The following PRSS23 variants were observed in gnomAD, a reference collection of about 807,000 sequenced individuals.
PRSS23 encodes protease, serine 23.
Under a neutral mutation model 34.7 loss-of-function variants are expected in PRSS23, and 25 were observed. The observed-to-expected ratio is 0.72, with a 90% CI of 0.53 to 1.01. The LOEUF (loss-of-function observed/expected upper bound fraction) is 1.01, where lower values mean the gene tolerates loss of function less well. Ranked by LOEUF, PRSS23 falls within the 50% of genes least tolerant of loss-of-function variation. The pLI is 0.00. For missense variants in PRSS23, 445 were observed against 475.6 expected (o/e 0.94, Z 0.60); for synonymous variants, 176 against 186.6 (o/e 0.94, Z 0.46).
chr11:86,854,070 G>C (rs748201318), intron 2 of PRSS23, among the ~76,000 whole-genome samples: 7 of 151,976 alleles, frequency 4.6e-5, no homozygotes, highest in Non-Finnish European at 7.4e-5. Flanking sequence ...GCACGATCTC[G>C]GCTCACTGCA....
downstream of PRSS23, among the ~76,000 whole-genome samples, chr11:86,815,817 T>C (rs974186649): frequency 2.0e-5 from 3 of 152,296 alleles, no homozygotes; most frequent in Non-Finnish European, 4.4e-5. Context: ...TAGAGTTCTG[T>C]GCTATCCATC....
chr11:86,946,803 AC>A (rs1949246473), intron 2 of PRSS23: 1 of 152,426 alleles, frequency 6.6e-6, no homozygotes. Flanking sequence ...AAATAAAGGA[AC>A]CAATAGGATT....
chr11:86,942,391 T>A (rs1470308461), intron 2 of PRSS23, among the ~76,000 whole-genome samples: 3 of 152,234 alleles, frequency 2.0e-5, no homozygotes, highest in Non-Finnish European at 4.4e-5. Context: ...TTCCATCTCA[T>A]TGCTTTATAT....
intron 2 of PRSS23, among the ~76,000 whole-genome samples, chr11:86,830,020 G>T (rs1948338410): frequency 6.6e-6 from 1 of 152,210 alleles, no homozygotes; most frequent in Non-Finnish European, 1.5e-5. Flanking sequence ...TCTCTTCAAA[G>T]CTGTCAGACA....
intron 2 of PRSS23, among the ~76,000 whole-genome samples, chr11:86,906,522 G>T (rs1249972992): frequency 6.6e-6 from 1 of 152,192 alleles, no homozygotes; most frequent in Non-Finnish European, 1.5e-5. Context: ...AATCAGCCCC[G>T]CAGTGCCTCG....
chr11:86,794,174 T>C (rs1361803059), intron 1 of PRSS23, among the ~76,000 whole-genome samples: 1 of 152,032 alleles, frequency 6.6e-6, no homozygotes, highest in Non-Finnish European at 1.5e-5. Context: ...GAAAACAAAA[T>C]AATTTTCCAT....
intron 1 of PRSS23, among the ~76,000 whole-genome samples, chr11:86,822,910 G>A (rs1948263948): frequency 6.6e-6 from 1 of 152,200 alleles, no homozygotes; most frequent in Non-Finnish European, 1.5e-5. Context: ...ACTGGGGTGG[G>A]AAGCCAAGCC....
At chr11:86,841,111 A>G (rs1948443914) in intron 2 of PRSS23, among the ~76,000 whole-genome samples, 2 of 152,088 alleles carry the variant, frequency 1.3e-5, no homozygotes, top group Admixed American at 1.3e-4. Context: ...AGGCTGAGGC[A>G]GGCGAATCAC....
chr11:86,837,930 C>G (rs1948419153), intron 2 of PRSS23, among the ~76,000 whole-genome samples: 1 of 152,050 alleles, frequency 6.6e-6, no homozygotes, highest in Admixed American at 6.5e-5. Flanking sequence ...ATTGGGACTG[C>G]TTGGACAGTG....
intron 2 of PRSS23, among the ~76,000 whole-genome samples, chr11:86,841,200 G>A (rs1036379494): frequency 1.3e-5 from 2 of 151,958 alleles, no homozygotes; most frequent in Non-Finnish European, 2.9e-5. Flanking sequence ...TTAGCCTGGT[G>A]TGGTGGCACA....
intron 2 of PRSS23, among the ~76,000 whole-genome samples, chr11:86,925,471 C>A (rs1949075211): frequency 6.6e-6 from 1 of 152,042 alleles, no homozygotes; most frequent in African/African-American, 2.4e-5. Context: ...GCAGGGTTGC[C>A]ATGATTAAGT....
At chr11:86,830,675 T>A (rs941144235) in intron 2 of PRSS23, among the ~76,000 whole-genome samples, 1 of 152,202 alleles carries the variant, frequency 6.6e-6, no homozygotes, top group Non-Finnish European at 1.5e-5. Context: ...GCTCCTCATA[T>A]CACAGGGGCT....
In PRSS23 at chr11:86,928,705, A is replaced by AAAAATATAT; in HGVS notation, c.207-22510_207-22509insAAATATATA. ...AAAAAAAAAAAAAAAAAAAAAAAAA[A>AAAAATATAT]ATTGGCAAGACATATACAGCATATA... On this transcript the variant is annotated intron_variant, in intron 2 of 2. Coordinates refer to the PRSS23 transcript ENST00000533902. 3.9e-5 allele frequency among the ~76,000 whole-genome samples: 2 copies of AAAAATATAT among 51,292 alleles called. 1 individual carries two copies. The highest frequency in any genetic ancestry group is 9.0e-5 in the Non-Finnish European group (2 of 22,132). 33.6% of individuals were successfully genotyped at this position (51,292 alleles called of 152,430 possible).
intron 2 of PRSS23, among the ~76,000 whole-genome samples, chr11:86,846,547 G>A (rs1050450883): frequency 1.3e-5 from 2 of 152,154 alleles, no homozygotes; most frequent in African/African-American, 4.8e-5. Context: ...GTGCTCAGTG[G>A]AAATCTTAGT....
upstream of PRSS23, among the ~76,000 whole-genome samples, chr11:86,797,037 G>A (rs1416789432): frequency 6.6e-6 from 1 of 152,228 alleles, no homozygotes; most frequent in Middle Eastern, 3.2e-3. Flanking sequence ...GAGCTGAGGG[G>A]TATTTGCTTT....
chr11:86,906,916 A>C (rs11823744), intron 2 of PRSS23, among the ~76,000 whole-genome samples: 25,835 of 152,074 alleles, frequency 0.17, 2,452 homozygotes, highest in African/African-American at 0.25. Context: ...AGTAGCAGGG[A>C]GAGGTTTCCA....
chr11:86,900,676 G>A (rs1218890434), intron 2 of PRSS23, among the ~76,000 whole-genome samples: 1 of 151,224 alleles, frequency 6.6e-6, no homozygotes, highest in Non-Finnish European at 1.5e-5. Flanking sequence ...CTTCTTTTCA[G>A]CTCAGAGTCT....
intron 2 of PRSS23, chr11:86,932,878 G>A (rs924294694): frequency 3.3e-5 from 5 of 152,292 alleles, no homozygotes; most frequent in East Asian, 3.9e-4. Context: ...CTCTGTAAGG[G>A]TTGGTCACTG....
chr11:86,949,084 T>C (rs1327429492), intron 2 of PRSS23: 2 of 152,222 alleles, frequency 1.3e-5, no homozygotes, highest in Admixed American at 1.3e-4. Context: ...GGATCAATTC[T>C]CATGCTCCTG....
Sources: allele counts gnomAD v4.1 joint callset (sites outside exome capture counted in the v4.1 genomes callset), GRCh38; gene constraint gnomAD v4.1.1; transcripts MANE v1.5; gene names NCBI Gene and HGNC (gene_info 2026-07-23, HGNC 2026-07-21).